Variants in PCDH7 observed in about 807,000 individuals in gnomAD.
PCDH7 encodes protocadherin 7.
Under a neutral mutation model 58.9 loss-of-function variants are expected in PCDH7, and 17 were observed. The observed-to-expected ratio is 0.29, with a 90% confidence interval of 0.20 to 0.43. The LOEUF (loss-of-function observed/expected upper bound fraction) is 0.43. Ranked by LOEUF, PCDH7 falls within the 20% of genes least tolerant of loss-of-function variation. The pLI is 1.00. For missense variants in PCDH7, 1,274 were observed against 1,441.0 expected, an observed-to-expected ratio of 0.88 and a Z score of 1.88; for synonymous variants, 664 against 616.4, an observed-to-expected ratio of 1.08 and a Z score of -1.14.
intron 1 of PCDH7, among the ~76,000 whole-genome samples, chr4:30,750,295 G>A (rs1718339655): frequency 1.3e-5 from 2 of 152,138 alleles, no homozygotes; most frequent in African/African-American, 2.4e-5. Flanking sequence ...TCTCTTTTTA[G>A]TATGGGCTAG....
intron 3 of PCDH7, among the ~76,000 whole-genome samples, chr4:31,126,411 C>A (rs1386312353): frequency 6.6e-6 from 1 of 152,116 alleles, no homozygotes; most frequent in Non-Finnish European, 1.5e-5. Context: ...CTGCTCACCT[C>A]AGCCTCTCAA....
chr4:30,763,372 T>A (rs1485858843), intron 1 of PCDH7, among the ~76,000 whole-genome samples: 1 of 152,246 alleles, frequency 6.6e-6, no homozygotes, highest in Non-Finnish European at 1.5e-5. Context: ...CAGTTACAAT[T>A]TTTCATAGAT....
chr4:30,852,564 G>T, intron 1 of PCDH7, among the ~76,000 whole-genome samples: 1 of 151,946 alleles, frequency 6.6e-6, no homozygotes, highest in African/African-American at 2.4e-5. Flanking sequence ...AAAATCTCTT[G>T]GTGATGAAAT....
chr4:30,987,395 A>G (rs887163347), intron 3 of PCDH7, among the ~76,000 whole-genome samples: 2 of 152,000 alleles, frequency 1.3e-5, no homozygotes, highest in Non-Finnish European at 2.9e-5. Flanking sequence ...AAAAGCTTCT[A>G]AGTACAGACG....
At chr4:30,900,318 G>A (rs1740050547) in intron 1 of PCDH7, among the ~76,000 whole-genome samples, 1 of 152,150 alleles carries the variant, frequency 6.6e-6, no homozygotes, top group Admixed American at 6.5e-5. Context: ...TGTTGAAATG[G>A]GAAAGTTCAA....
At chr4:30,914,089 G>A (rs1742107994) in intron 1 of PCDH7, among the ~76,000 whole-genome samples, 1 of 152,028 alleles carries the variant, frequency 6.6e-6, no homozygotes, top group Non-Finnish European at 1.5e-5. Context: ...GCAGATAGAG[G>A]ACCTCTCCCT....
chr4:30,994,320 C>T (rs1049891606), intron 3 of PCDH7, among the ~76,000 whole-genome samples: 2 of 152,196 alleles, frequency 1.3e-5, no homozygotes, highest in Non-Finnish European at 2.9e-5. Flanking sequence ...CCCCAATACT[C>T]TGACTATTTC....
At chr4:31,010,081 C>T (rs1753058529) in intron 3 of PCDH7, among the ~76,000 whole-genome samples, 1 of 151,852 alleles carries the variant, frequency 6.6e-6, no homozygotes, top group Admixed American at 6.6e-5. Context: ...GGGTATAAAC[C>T]TCAAACTTGG....
At chr4:30,943,707 T>C (rs982156222) in intron 2 of PCDH7, among the ~76,000 whole-genome samples, 2 of 151,938 alleles carry the variant, frequency 1.3e-5, no homozygotes, top group South Asian at 2.1e-4. Context: ...TAAAACATTA[T>C]GAGATTTTTT....
chr4:30,754,190 T>TGTG (rs1255362154), intron 1 of PCDH7, among the ~76,000 whole-genome samples: 206 of 126,876 alleles, frequency 1.6e-3, no homozygotes, highest in Admixed American at 6.9e-3. Flanking sequence ...GTGTGTGTGT[T>TGTG]TTTTCTGGAG....
chr4:31,023,857 A>G (rs1330235923), intron 3 of PCDH7, among the ~76,000 whole-genome samples: 1 of 152,180 alleles, frequency 6.6e-6, no homozygotes, highest in East Asian at 1.9e-4. Flanking sequence ...TTTTAGGAGG[A>G]GTTGAATACA....
chr4:31,003,479 C>A (rs937574520), intron 3 of PCDH7, among the ~76,000 whole-genome samples: 1 of 151,532 alleles, frequency 6.6e-6, no homozygotes, highest in African/African-American at 2.4e-5. Flanking sequence ...AGAAATGTTT[C>A]CGATTTGGGA....
At chr4:30,812,887 TCTAA>T (rs770395283) in intron 1 of PCDH7, among the ~76,000 whole-genome samples, 11 of 152,242 alleles carry the variant, frequency 7.2e-5, no homozygotes, top group Non-Finnish European at 7.3e-5. Flanking sequence ...TATTAAATTC[TCTAA>T]CTGTCATAAA....
intron 3 of PCDH7, among the ~76,000 whole-genome samples, chr4:31,116,619 C>G (rs1439151272): frequency 2.6e-5 from 4 of 152,116 alleles, no homozygotes; most frequent in African/African-American, 9.7e-5. Flanking sequence ...TTACCTCAGG[C>G]TTTTCTCTCA....
At chr4:31,030,244 G>A (rs141255294) in intron 3 of PCDH7, among the ~76,000 whole-genome samples, 277 of 152,192 alleles carry the variant, frequency 1.8e-3, no homozygotes, top group African/African-American at 6.4e-3. Flanking sequence ...TACCCTTGCT[G>A]CATCATCTCA....
intron 3 of PCDH7, among the ~76,000 whole-genome samples, chr4:31,106,443 C>T (rs1715590297): frequency 6.6e-6 from 1 of 152,204 alleles, no homozygotes. Context: ...TGTAGCTGTT[C>T]TTGCTATTTG....
chr4:30,897,603 G>A (rs1042219513), intron 1 of PCDH7, among the ~76,000 whole-genome samples: 1 of 151,992 alleles, frequency 6.6e-6, no homozygotes, highest in African/African-American at 2.4e-5. Context: ...CAAGTTTTTC[G>A]AAGAGGAATA....
intron 1 of PCDH7, among the ~76,000 whole-genome samples, chr4:30,798,597 C>G (rs1443612624): frequency 2.6e-5 from 4 of 152,128 alleles, no homozygotes; most frequent in Non-Finnish European, 5.9e-5. Flanking sequence ...TTCAGTTAAA[C>G]TATTTATGTG....
At chr4:30,788,647 A>G (rs1723724443) in intron 1 of PCDH7, among the ~76,000 whole-genome samples, 1 of 152,086 alleles carries the variant, frequency 6.6e-6, no homozygotes. Context: ...TTTAGAATAC[A>G]CTCTCTACAG....
Sources: allele counts gnomAD v4.1 joint callset (sites outside exome capture counted in the v4.1 genomes callset), GRCh38; gene constraint gnomAD v4.1.1; transcripts MANE v1.5; gene names NCBI Gene and HGNC (gene_info 2026-07-23, HGNC 2026-07-21).